Variants in ELAC2 observed in about 807,000 individuals in gnomAD.
ELAC2 encodes elaC ribonuclease Z 2.
In ELAC2, 92 loss-of-function variants were observed where a neutral mutation model predicts 105.2. That is an observed-to-expected ratio of 0.87 (90% CI 0.74 to 1.04). The LOEUF (loss-of-function observed/expected upper bound fraction) is 1.04, where lower values mean the gene tolerates loss of function less well. Ranked by LOEUF, ELAC2 falls within the 50% of genes least tolerant of loss-of-function variation. ELAC2 has a pLI of 0.00. For synonymous variants in ELAC2, 468 were observed against 409.1 expected, an observed-to-expected ratio of 1.14 and a Z score of -1.74; for missense variants, 1,099 against 1,071.7, an observed-to-expected ratio of 1.03 and a Z score of -0.36.
At chr17:13,011,533 G>C (rs771539398) in intron 7 of ELAC2, 130 bp downstream of exon 7, 15 of 1,489,502 alleles carry the variant, frequency 1.0e-5, no homozygotes, top group Non-Finnish European at 1.2e-5. Flanking sequence ...CCAAGTTATA[G>C]TAAGCCCAGG....
At chr17:13,015,740 T>C in intron 4 of ELAC2, 28 bp downstream of exon 4, 1 of 1,597,876 alleles carries the variant, frequency 6.3e-7, no homozygotes, top group Non-Finnish European at 8.6e-7. Context: ...AAAGATTGCT[T>C]TTGAAAGATG....
At chr17:13,005,438 A>G (rs1328727936) in intron 10 of ELAC2, among the ~76,000 whole-genome samples, 4 of 152,148 alleles carry the variant, frequency 2.6e-5, no homozygotes, top group Admixed American at 2.6e-4. Flanking sequence ...TCTGGACCAT[A>G]AACCCCAGGC....
intron 16 of ELAC2, 68 bp from the exon 17 acceptor site, chr17:12,996,753 C>T (rs2040497370): frequency 6.3e-7 from 1 of 1,584,236 alleles, no homozygotes; most frequent in Non-Finnish European, 8.6e-7. Flanking sequence ...AGGCTGATGT[C>T]TGCTTTGGAC....
At position 12,991,869 on chromosome 17, in the gene ELAC2, T is replaced by TTACTTTAC. The variant is rs1555570406; in HGVS notation, c.*948_*949insGTAAAGTA. Among the ~76,000 whole-genome samples, 141 of 127,348 alleles carry TTACTTTAC rather than the reference T, an allele frequency of 1.1e-3. No individual in the cohort carries two copies. The highest frequency in any genetic ancestry group is 3.4e-3 in the African/African-American group (134 of 39,706). The allele number at this position is 127,348 out of a possible 152,430, so 83.5% of individuals were successfully genotyped here. A position where few individuals can be genotyped will look rare whatever the true frequency, so the allele number is the denominator to read the frequency against. ...TCAACTTACTTACTTACTTACTTAC[T>TTACTTTAC]TTACTTACTTACTTCCTTGGAAAAT... On this transcript the variant is annotated 3_prime_UTR_variant, in exon 24 of 24. Coordinates refer to ENST00000338034, the MANE Select transcript of ELAC2 (RefSeq NM_018127.7).
At chr17:13,010,732 A>G in intron 7 of ELAC2, 61 bp from the exon 8 acceptor site, 1 of 1,419,778 alleles carries the variant, frequency 7.0e-7, no homozygotes, top group Non-Finnish European at 1.0e-6. Flanking sequence ...GACATCACAG[A>G]CTGATTATGA....
chr17:12,994,891 G>A lies in ELAC2; in HGVS notation c.1909-7C>T. 6.2e-7 allele frequency: 1 copy of A among 1,614,112 alleles called. No homozygotes were observed. The highest frequency in any genetic ancestry group is 8.5e-7 in the Non-Finnish European group (1 of 1,180,044). ...GCACCAGACAGGTCTGAAACTGAAA[G>A]GGTGGGGCTGGAGGGCTCTGCAGCT... On this transcript the variant is annotated splice_region_variant and splice_polypyrimidine_tract_variant and intron_variant, in intron 20 of 23. Transcript: ENST00000338034.
chr17:13,017,216 A>G (rs1015953973), intron 1 of ELAC2, 95 bp from the exon 2 acceptor site: 8 of 1,272,216 alleles, frequency 6.3e-6, no homozygotes, highest in Non-Finnish European at 6.8e-6. Context: ...CTGGAAAAAA[A>G]AAAAAGAAAA....
intron 8 of ELAC2, among the ~76,000 whole-genome samples, chr17:13,007,511 A>G (rs2041175780): frequency 6.6e-6 from 1 of 152,226 alleles, no homozygotes; most frequent in Non-Finnish European, 1.5e-5. Flanking sequence ...ACTAACAACC[A>G]TGTCACGACC....
intron 6 of ELAC2, among the ~76,000 whole-genome samples, chr17:13,012,074 C>A (rs1394388776): frequency 6.6e-6 from 1 of 152,112 alleles, no homozygotes; most frequent in African/African-American, 2.4e-5. Context: ...ATCATCACTC[C>A]CGCTAAAACA....
At chr17:13,003,650 G>A in intron 11 of ELAC2, 76 bp from the exon 12 acceptor site, 1 of 1,355,324 alleles carries the variant, frequency 7.4e-7, no homozygotes, top group Non-Finnish European at 1.1e-6. Context: ...CAGCCAGGGA[G>A]GGGTATCGTG....
intron 8 of ELAC2, among the ~76,000 whole-genome samples, chr17:13,007,090 GAC>G (rs888463376): frequency 4.0e-5 from 6 of 149,052 alleles, no homozygotes; most frequent in African/African-American, 1.5e-4. Flanking sequence ...CAGCCTGGGC[GAC>G]AGAGTGAGAC....
At chr17:13,011,285 G>T (rs1404822627) in intron 7 of ELAC2, among the ~76,000 whole-genome samples, 1 of 152,238 alleles carries the variant, frequency 6.6e-6, no homozygotes, top group Non-Finnish European at 1.5e-5. Flanking sequence ...GCCTCTCACT[G>T]ATTTGACTGT....
intron 6 of ELAC2, among the ~76,000 whole-genome samples, chr17:13,012,473 G>A (rs1171292247): frequency 6.6e-6 from 1 of 152,132 alleles, no homozygotes; most frequent in Non-Finnish European, 1.5e-5. Flanking sequence ...CACAGCACTG[G>A]CCTAGGAGCA....
chr17:12,999,199 C>G (rs2040631218), intron 15 of ELAC2, among the ~76,000 whole-genome samples: 1 of 152,206 alleles, frequency 6.6e-6, no homozygotes, highest in Admixed American at 6.5e-5. Context: ...TGCTGTAATT[C>G]TTTTACATTT....
chr17:13,004,020 C>T (rs567651339), intron 11 of ELAC2: 55 of 201,968 alleles, frequency 2.7e-4, no homozygotes, highest in African/African-American at 1.1e-3. Context: ...GACACAGGCA[C>T]GAGAAATGAA....
intron 8 of ELAC2, among the ~76,000 whole-genome samples, chr17:13,007,179 A>G (rs1032658453): frequency 6.6e-6 from 1 of 152,092 alleles, no homozygotes; most frequent in African/African-American, 2.4e-5. Flanking sequence ...CAATAATTCT[A>G]CCAGAAAACT....
chr17:12,995,656 C>T (rs371454601), intron 19 of ELAC2, 47 bp downstream of exon 19: 233 of 1,548,556 alleles, frequency 1.5e-4, no homozygotes, highest in Middle Eastern at 2.1e-4. Context: ...CTGAAGGAGA[C>T]GGCAGCAAGC....
intron 15 of ELAC2, among the ~76,000 whole-genome samples, chr17:12,999,690 A>G (rs55752919): frequency 0.29 from 43,977 of 150,890 alleles, 6,446 homozygotes; most frequent in South Asian, 0.35. Flanking sequence ...ACGGAGTCTC[A>G]CTCTGTCGTC....
Position 13,007,802 on chromosome 17 carries a change from T to C in ELAC2, c.739-1823A>G, listed in dbSNP as rs545195859. Among the ~76,000 whole-genome samples the C allele has an allele frequency of 3.4e-4, 52 of 152,086 alleles. No individual in the cohort carries two copies. The East Asian group carries it at 9.7e-3, about 28-fold the overall frequency. On this transcript the variant is annotated intron_variant, in intron 8 of 23. Coordinates refer to ENST00000338034, the MANE Select transcript of ELAC2 (RefSeq NM_018127.7). The stretch of plus-strand genomic sequence containing the variant: ...CTGATGCATGAGAATCACTTGAGCC[T>C]GGGAGGAGGAGGTTGCAGTGAGCTA...
Sources: gnomAD v4.1 joint callset for allele counts (sites outside exome capture counted in the v4.1 genomes callset) on GRCh38, gnomAD v4.1.1 for gene constraint, MANE v1.5 for transcripts, NCBI Gene and HGNC (gene_info 2026-07-23, HGNC 2026-07-21) for gene names.